PLPPR1: variants seen among roughly 807,000 people sequenced by gnomAD.
PLPPR1 encodes phospholipid phosphatase-related protein type 1.
PLPPR1 carries 10 observed loss-of-function variants against 33.1 expected under a neutral mutation model. That is an observed-to-expected ratio of 0.30 (90% CI 0.19 to 0.51). The LOEUF (loss-of-function observed/expected upper bound fraction) is 0.51, where lower values mean the gene tolerates loss of function less well. PLPPR1 is among the 20% of genes least tolerant of loss of function. The pLI, the probability that PLPPR1 is intolerant of heterozygous loss-of-function variation, is 0.97. For synonymous variants in PLPPR1, 151 were observed against 151.0 expected, an observed-to-expected ratio of 1.00 and a Z score of 0.00; for missense variants, 304 against 408.1, an observed-to-expected ratio of 0.74 and a Z score of 2.20.
At chr9:101,312,766 C>G (rs1424889008) in intron 5 of PLPPR1, 32 bp from the exon 6 acceptor site, 2 of 1,601,924 alleles carry the variant, frequency 1.2e-6, no homozygotes. Context: ...AGGCAGCTGC[C>G]TGGTCACTCC....
intron 2 of PLPPR1, among the ~76,000 whole-genome samples, chr9:101,204,935 G>T (rs184566444): frequency 3.9e-4 from 59 of 152,208 alleles, no homozygotes; most frequent in African/African-American, 1.4e-3. Flanking sequence ...TGGACGGGGA[G>T]GGGGAGGGAA....
At chr9:101,144,785 T>C (rs1458761940) in intron 1 of PLPPR1, among the ~76,000 whole-genome samples, 1 of 152,228 alleles carries the variant, frequency 6.6e-6, no homozygotes, top group East Asian at 1.9e-4. Context: ...TGAAAACTAC[T>C]GGTCTGAAGA....
chr9:101,237,836 T>TGTATATAG (rs1554682636), intron 2 of PLPPR1, among the ~76,000 whole-genome samples: 44,991 of 129,650 alleles, frequency 0.35, 8,127 homozygotes, highest in African/African-American at 0.39. Context: ...TATATATATA[T>TGTATATAG]GCTATATATG....
intron 5 of PLPPR1, among the ~76,000 whole-genome samples, chr9:101,310,832 G>A (rs1482713844): frequency 1.3e-5 from 2 of 151,936 alleles, no homozygotes; most frequent in Non-Finnish European, 2.9e-5. Flanking sequence ...ATGAGTATGT[G>A]AAAAAAAGGA....
intron 1 of PLPPR1, among the ~76,000 whole-genome samples, chr9:101,133,040 A>C (rs187330525): frequency 1.4e-4 from 22 of 152,334 alleles, no homozygotes; most frequent in Admixed American, 1.4e-3. Flanking sequence ...CTGTGATAGA[A>C]ATCCCTTGGG....
At chr9:101,200,049 T>C (rs1307796831) in intron 2 of PLPPR1, among the ~76,000 whole-genome samples, 3 of 152,138 alleles carry the variant, frequency 2.0e-5, no homozygotes, top group African/African-American at 2.4e-5. Flanking sequence ...CTGGAACAGA[T>C]AGGATTCTCT....
Position 101,312,866 on chromosome 9 carries a change from T to A in PLPPR1, c.705T>A (p.Thr235=). ...CCAAGCCGGTGCTGTGCCTCGGAAC[T>A]CTCTGCACAGCCTTCCTGACAGGCC... is the stretch of plus-strand genomic sequence containing the variant. The part of the protein sequence containing the change: ...RLAKPVLCLG[T]LCTAFLTGLN... The change falls in exon 6 of 8, where the codon ACT becomes ACA. Residue 235 remains threonine, a synonymous_variant. Transcript: ENST00000374874. 1 of 1,614,116 alleles carries A rather than the reference T, an allele frequency of 6.2e-7. No individual in the cohort carries two copies. Among genetic ancestry groups the A allele is most frequent in the African/African-American group, 1.3e-5 (1 of 75,038 alleles).
intron 2 of PLPPR1, among the ~76,000 whole-genome samples, chr9:101,193,421 A>G (rs1826336838): frequency 6.6e-6 from 1 of 152,182 alleles, no homozygotes. Context: ...TAAGTATAAG[A>G]TATACAGCCT....
At chr9:101,225,976 G>A (rs559100024) in intron 2 of PLPPR1, among the ~76,000 whole-genome samples, 33 of 152,050 alleles carry the variant, frequency 2.2e-4, no homozygotes, top group South Asian at 4.2e-4. Flanking sequence ...TTCGTAGATC[G>A]TACAGTAAGT....
intron 1 of PLPPR1, among the ~76,000 whole-genome samples, chr9:101,097,999 C>T (rs1182289211): frequency 1.3e-5 from 2 of 151,604 alleles, no homozygotes; most frequent in East Asian, 3.9e-4. Context: ...GTCCTTGTGG[C>T]CTATAACACT....
intron 2 of PLPPR1, among the ~76,000 whole-genome samples, chr9:101,207,122 G>A (rs1341131114): frequency 6.6e-6 from 1 of 151,368 alleles, no homozygotes; most frequent in Admixed American, 6.6e-5. Context: ...CTTTTTTATT[G>A]TGTGTATATA....
chr9:101,275,887 A>G (rs1448191089), intron 3 of PLPPR1, among the ~76,000 whole-genome samples: 1 of 152,148 alleles, frequency 6.6e-6, no homozygotes, highest in East Asian at 1.9e-4. Flanking sequence ...CTCATCTAGA[A>G]TTTCCTAGGA....
chr9:101,230,302 A>C (rs1827154133), intron 2 of PLPPR1, among the ~76,000 whole-genome samples: 1 of 152,134 alleles, frequency 6.6e-6, no homozygotes, highest in Non-Finnish European at 1.5e-5. Context: ...ACAAGGATGA[A>C]TTGAGATGAC....
chr9:101,266,756 G>C (rs867976464), intron 2 of PLPPR1, among the ~76,000 whole-genome samples: 1 of 152,184 alleles, frequency 6.6e-6, no homozygotes, highest in African/African-American at 2.4e-5. Context: ...TTATTTCAGT[G>C]TATTTGGTGT....
In PLPPR1 at chr9:101,298,845, G is replaced by A. The variant is rs79591800; in HGVS notation, c.386-10366G>A. On this transcript the variant is annotated intron_variant, in intron 4 of 7. Coordinates refer to ENST00000374874, the MANE Select transcript of PLPPR1 (RefSeq NM_207299.2). The stretch of plus-strand genomic sequence containing the variant: ...CAGAGAAAAATAGGGAAAGGAAATA[G>A]GGAGTTTGTGGCAGCAGATATGTAA... Among the ~76,000 whole-genome samples, 458 of 152,312 alleles carry A rather than the reference G, an allele frequency of 3.0e-3. 13 individuals are homozygous for A. The East Asian group carries it at 0.069, about 23-fold the overall frequency.
intron 2 of PLPPR1, among the ~76,000 whole-genome samples, chr9:101,252,996 C>G (rs767786060): frequency 6.6e-6 from 1 of 151,808 alleles, no homozygotes; most frequent in Non-Finnish European, 1.5e-5. Flanking sequence ...CTTATTATAA[C>G]CAAAACTCTT....
chr9:101,064,622 G>A (rs957424011), intron 1 of PLPPR1, among the ~76,000 whole-genome samples: 2 of 152,168 alleles, frequency 1.3e-5, no homozygotes, highest in South Asian at 4.2e-4. Flanking sequence ...TGGTCCAAGC[G>A]GAGCAGACAT....
chr9:101,051,712 A>T (rs1480578510), intron 1 of PLPPR1, among the ~76,000 whole-genome samples: 3 of 152,168 alleles, frequency 2.0e-5, no homozygotes, highest in Admixed American at 6.6e-5. Flanking sequence ...TATTTTATGC[A>T]CATGTTACTC....
At chr9:101,191,354 A>C (rs1826294009) in intron 2 of PLPPR1, among the ~76,000 whole-genome samples, 1 of 152,206 alleles carries the variant, frequency 6.6e-6, no homozygotes, top group Admixed American at 6.5e-5. Flanking sequence ...AACATACCTC[A>C]AAAATTAAAA....
Sources: gnomAD v4.1 joint callset for allele counts (sites outside exome capture counted in the v4.1 genomes callset) on GRCh38, gnomAD v4.1.1 for gene constraint, MANE v1.5 for transcripts, NCBI Gene and HGNC (gene_info 2026-07-23, HGNC 2026-07-21) for gene names.